The following PCDHA12 variants were observed in gnomAD, a reference collection of about 807,000 sequenced individuals.
PCDHA12 encodes the protein protocadherin alpha-12.
PCDHA12 carries 44 observed loss-of-function variants against 60.0 expected under a neutral mutation model. That is an observed-to-expected ratio of 0.73 (90% CI 0.58 to 0.94). The LOEUF is 0.94. Among genes scored for constraint, PCDHA12 ranks in the 40% least tolerant of loss-of-function variants. PCDHA12 has a pLI of 0.00. For missense variants in PCDHA12, 1,276 were observed against 1,239.7 expected, an observed-to-expected ratio of 1.03 and a Z score of -0.44; for synonymous variants, 569 against 553.0, an observed-to-expected ratio of 1.03 and a Z score of -0.40.
At chr5:140,881,373 AGCCG>A in intron 1 of PCDHA12, 2 of 985,074 alleles carry the variant, frequency 2.0e-6, no homozygotes, top group Non-Finnish European at 2.4e-6. Flanking sequence ...TATGAATTGC[AGCCG>A]GCGGCGGTAA....
chr5:140,921,631 T>C (rs1435281144), intron 1 of PCDHA12, among the ~76,000 whole-genome samples: 2 of 152,206 alleles, frequency 1.3e-5, no homozygotes, highest in Non-Finnish European at 2.9e-5. Flanking sequence ...ATCATCATTA[T>C]GGTAGCTATT....
At chr5:140,977,337 G>A (rs1554238444) in intron 1 of PCDHA12, among the ~76,000 whole-genome samples, 4 of 152,150 alleles carry the variant, frequency 2.6e-5, no homozygotes, top group South Asian at 2.1e-4. Context: ...GGGGAGAGAC[G>A]GTGATGATGA....
chr5:140,912,744 T>A (rs944833912), intron 1 of PCDHA12, among the ~76,000 whole-genome samples: 1 of 152,188 alleles, frequency 6.6e-6, no homozygotes, highest in Non-Finnish European at 1.5e-5. Context: ...TGTGGGTCTG[T>A]CATAGATGGC....
At chr5:140,969,091 G>A (rs1554231442) in intron 1 of PCDHA12, 3 of 1,614,152 alleles carry the variant, frequency 1.9e-6, no homozygotes, top group Admixed American at 1.7e-5. Context: ...TCAAAGTGCA[G>A]CCTCACTTCA....
rs1554205452 is a variant in PCDHA12 at position 140,928,080 on chromosome 5, C to T, written c.2367+50241C>T. ...CGGCTTCCTTTGACAACTACTACAG[C>T]CTGCTGATTGATGGGCCCCTGGACC... On this transcript the variant is annotated intron_variant, in intron 1 of 3. Transcript: ENST00000398631. The T allele has an allele frequency of 2.5e-6, 4 of 1,614,072 alleles. No homozygotes were observed. The African/African-American group carries it at 4.0e-5, about 16-fold the overall frequency.
At chr5:140,972,622 T>C (rs1554234253) in intron 1 of PCDHA12, among the ~76,000 whole-genome samples, 1 of 151,940 alleles carries the variant, frequency 6.6e-6, no homozygotes, top group African/African-American at 2.4e-5. Flanking sequence ...CTGAATGTTG[T>C]TGGCACTCCC....
Position 140,877,811 on chromosome 5 carries a change from G to T in PCDHA12, c.2339G>T (p.Arg780Leu), listed in dbSNP as rs1256619106. The change falls in exon 1 of 4, where the codon CGA (arginine) becomes CTA (leucine). Residue 780 changes from arginine to leucine, a missense_variant. Physicochemically the swap from Arg to Leu is moderately radical, Grantham distance 102. Transcript: ENST00000398631. ...MAFSPSLQLS[R>L]EDCLNPPSEP... ...TTCAGCCCAAGCCTTCAGCTGTCTC[G>T]AGAAGATTGTTTAAATCCTCCCAGT... is the stretch of plus-strand genomic sequence containing the variant. The T allele has an allele frequency of 6.2e-7, 1 of 1,610,242 alleles. No homozygotes were observed. Among genetic ancestry groups the T allele is most frequent in the Non-Finnish European group, 8.5e-7 (1 of 1,178,636 alleles).
chr5:140,881,398 AT>A (rs1269168835), intron 1 of PCDHA12: 1 of 975,426 alleles, frequency 1.0e-6, no homozygotes, highest in Non-Finnish European at 1.2e-6. Context: ...GTTAAATTCT[AT>A]TAAATCAATA....
intron 1 of PCDHA12, chr5:140,930,181 T>C (rs1170637205): frequency 2.0e-5 from 3 of 152,216 alleles, no homozygotes; most frequent in African/African-American, 7.2e-5. Flanking sequence ...AGAGGAAAGA[T>C]GAGTAATTTT....
At chr5:140,941,211 C>CTT (rs59928198) in intron 1 of PCDHA12, among the ~76,000 whole-genome samples, 19 of 129,722 alleles carry the variant, frequency 1.5e-4, no homozygotes, top group African/African-American at 5.2e-4. Flanking sequence ...TCCTTTCTTT[C>CTT]TTCCTTTCTT....
At chr5:140,942,949 G>A (rs1183072564) in intron 1 of PCDHA12, among the ~76,000 whole-genome samples, 10 of 151,942 alleles carry the variant, frequency 6.6e-5, no homozygotes, top group Admixed American at 1.3e-4. Flanking sequence ...AAGTGTAGAC[G>A]TTCTGTTATC....
chr5:141,010,201 C>G lies in PCDHA12; in HGVS notation c.*264C>G, dbSNP rs782495760. On this transcript the variant is annotated 3_prime_UTR_variant, in exon 4 of 4. Coordinates refer to ENST00000398631, the MANE Select transcript of PCDHA12 (RefSeq NM_018903.4). ...GCAGACCCAAGTTTCCTTTCTCCTC[C>G]GCCGCAAAGGAGAGGCTTCCCAGCC... 9.0e-6 allele frequency: 14 copies of G among 1,551,916 alleles called. No homozygotes were observed. Among genetic ancestry groups the G allele is most frequent in the Non-Finnish European group, 1.0e-5 (12 of 1,147,084 alleles).
At chr5:140,901,674 G>C (rs1387047115) in intron 1 of PCDHA12, among the ~76,000 whole-genome samples, 5 of 152,034 alleles carry the variant, frequency 3.3e-5, no homozygotes, top group African/African-American at 9.7e-5. Flanking sequence ...GATACCTTTA[G>C]GTATTATGGG....
At chr5:140,962,622 G>A (rs1389569825) in intron 1 of PCDHA12, among the ~76,000 whole-genome samples, 2 of 152,130 alleles carry the variant, frequency 1.3e-5, no homozygotes, top group African/African-American at 2.4e-5. Context: ...AGGGAGATGT[G>A]AAAAAATTTA....
At chr5:140,881,195 A>G (rs943462031) in intron 1 of PCDHA12, 1 of 173,206 alleles carries the variant, frequency 5.8e-6, no homozygotes, top group Non-Finnish European at 1.1e-5. Context: ...ATATGTTAAC[A>G]TCTTTGTCTA....
intron 1 of PCDHA12, among the ~76,000 whole-genome samples, chr5:140,895,253 C>A (rs2153449431): frequency 6.6e-6 from 1 of 152,084 alleles, no homozygotes; most frequent in East Asian, 1.9e-4. Context: ...TCAAAGCTTT[C>A]TTTTTTTTCT....
chr5:141,009,760 A>T lies in PCDHA12; in HGVS notation c.2649A>T (p.Gly883=), dbSNP rs782167920. The change falls in exon 4 of 4, where the codon GGA becomes GGT. Residue 883 remains glycine, a synonymous_variant. Transcript: ENST00000398631. ...TGCCCGACAAATTCATTATCCCAGG[A>T]TCTCCTGCAATCATCTCCATCCGGC... ...GELPDKFIIP[G]SPAIISIRQE... is the part of the protein sequence containing the mutation. 1.9e-6 allele frequency: 3 copies of T among 1,614,130 alleles called. No individual in the cohort carries two copies. Among genetic ancestry groups the T allele is most frequent in the Admixed American group, 3.3e-5 (2 of 60,020 alleles).
At chr5:140,903,269 G>A (rs1251669520) in intron 1 of PCDHA12, among the ~76,000 whole-genome samples, 4 of 152,140 alleles carry the variant, frequency 2.6e-5, no homozygotes, top group African/African-American at 4.8e-5. Context: ...CAGGAGTGAG[G>A]TAGTGTCTCA....
rs782410675 is a variant in PCDHA12 at position 140,884,460 on chromosome 5, C to G, written c.2367+6621C>G. On this transcript the variant is annotated intron_variant, in intron 1 of 3. Coordinates refer to ENST00000398631, the MANE Select transcript of PCDHA12 (RefSeq NM_018903.4). ...TGCTCGGCACCGCCCACCGAGGGCGCGTGCGCGCCGGGCAAGCCCACTCTA... is the reference window on the plus strand; with the variant it reads ...TGCTCGGCACCGCCCACCGAGGGCGGGTGCGCGCCGGGCAAGCCCACTCTA... The G allele has an allele frequency of 2.5e-6, 4 of 1,613,614 alleles. No individual in the cohort carries two copies. Among genetic ancestry groups the G allele is most frequent in the Non-Finnish European group, 2.5e-6 (3 of 1,179,818 alleles).
Sources: allele counts gnomAD v4.1 joint callset (sites outside exome capture counted in the v4.1 genomes callset), GRCh38; gene constraint gnomAD v4.1.1; transcripts MANE v1.5; gene names NCBI Gene and HGNC (gene_info 2026-07-23, HGNC 2026-07-21).